The following TRERF1 variants were observed in gnomAD, a reference collection of about 807,000 sequenced individuals.
The protein encoded by TRERF1 is transcriptional-regulating factor 1.
In TRERF1, 27 loss-of-function variants were observed where a neutral mutation model predicts 122.9. The observed-to-expected ratio is 0.22, with a 90% CI of 0.16 to 0.30. The LOEUF (loss-of-function observed/expected upper bound fraction) is 0.30. Among genes scored for constraint, TRERF1 ranks in the 10% least tolerant of loss-of-function variants. The pLI is 1.00. For synonymous variants in TRERF1, 636 were observed against 641.7 expected, an observed-to-expected ratio of 0.99 and a Z score of 0.13; for missense variants, 1,248 against 1,560.3, an observed-to-expected ratio of 0.80 and a Z score of 3.37.
chr6:42,269,355 G>T lies in TRERF1; in HGVS notation c.236C>A (p.Thr79Asn). Reference sequence around the variant, plus strand: ...ACTTCCCCACCCTCCCTGCCTCGAGGTATCCATTTGGCCAAGGTTTTTGGA... The same window carrying T: ...ACTTCCCCACCCTCCCTGCCTCGAGTTATCCATTTGGCCAAGGTTTTTGGA... The change falls in exon 5 of 18, where the codon ACC becomes AAC. Residue 79 changes from threonine (T) to asparagine (N), a missense_variant. Physicochemically the swap from Thr to Asn is moderately conservative, Grantham distance 65. Coordinates refer to ENST00000372922, the Ensembl canonical transcript of TRERF1. The surrounding 1 kb of genome is among the most constrained non-coding windows in gnomAD (Gnocchi z 4.9). The T allele has an allele frequency of 1.9e-6, 3 of 1,614,176 alleles. No homozygotes were observed. Among genetic ancestry groups the T allele is most frequent in the Non-Finnish European group, 1.7e-6 (2 of 1,180,032 alleles).
intron 15 of TRERF1, among the ~76,000 whole-genome samples, chr6:42,242,089 T>A (rs1773859364): frequency 6.6e-6 from 1 of 152,166 alleles, no homozygotes; most frequent in African/African-American, 2.4e-5. Flanking sequence ...AGTGAGACCC[T>A]GTCTCAAACA....
intron 15 of TRERF1, 128 bp from the exon 16 acceptor site, chr6:42,236,539 T>A: frequency 7.3e-7 from 1 of 1,369,398 alleles, no homozygotes; most frequent in Non-Finnish European, 9.7e-7. Context: ...TCTTTCTGCA[T>A]AAGGAATGGT....
At chr6:42,373,729 G>T (rs1774225108) in intron 2 of TRERF1, among the ~76,000 whole-genome samples, 5 of 151,948 alleles carry the variant, frequency 3.3e-5, no homozygotes, top group Admixed American at 2.0e-4. Flanking sequence ...TACTCAGGGG[G>T]CTGAGTCAGG....
intron 4 of TRERF1, among the ~76,000 whole-genome samples, chr6:42,288,967 G>C (rs895253507): frequency 2.0e-5 from 3 of 151,176 alleles, no homozygotes; most frequent in Non-Finnish European, 3.0e-5. Flanking sequence ...GTGTGTGTGT[G>C]TGTGTGTGTG....
chr6:42,283,893 G>A (rs34681368), intron 4 of TRERF1, among the ~76,000 whole-genome samples: 4,154 of 152,174 alleles, frequency 0.027, 57 homozygotes, highest in Non-Finnish European at 0.037. Flanking sequence ...TGGGATTACA[G>A]GTGTGAGCCA....
intron 4 of TRERF1, among the ~76,000 whole-genome samples, chr6:42,281,979 G>A (rs1027596130): frequency 1.3e-5 from 2 of 152,188 alleles, no homozygotes; most frequent in Non-Finnish European, 2.9e-5. Context: ...AGGAACATCT[G>A]TGAGAATTTC....
chr6:42,373,098 A>G (rs1042966404), intron 2 of TRERF1, among the ~76,000 whole-genome samples: 4 of 152,232 alleles, frequency 2.6e-5, no homozygotes, highest in African/African-American at 9.6e-5. Context: ...TGCTGTCAAT[A>G]AATATAATTT....
chr6:42,299,116 C>CTGTCTGTA (rs10627056), intron 4 of TRERF1, among the ~76,000 whole-genome samples: 9 of 141,676 alleles, frequency 6.4e-5, no homozygotes, highest in African/African-American at 2.4e-4. Flanking sequence ...GTCTGTCTGT[C>CTGTCTGTA]TCTATCTATC....
Position 42,434,668 on chromosome 6 carries a change from CCACACACACA to C in TRERF1, c.-454+16499_-454+16508del, listed in dbSNP as rs3075920. ...CTGGAACACCAGCAGACACCCTCCA[CCACACACACA>C]CACACACACACACACACACACACAC... is the stretch of plus-strand genomic sequence containing the variant. On this transcript the variant is annotated intron_variant, in intron 2 of 17. Coordinates refer to ENST00000372922, the Ensembl canonical transcript of TRERF1. Among the ~76,000 whole-genome samples, 319 of 115,012 alleles carry C rather than the reference CCACACACACA, an allele frequency of 2.8e-3. 6 individuals are homozygous for C. The highest frequency in any genetic ancestry group is 0.02 in the East Asian group (84 of 4,104). 75.5% of individuals were successfully genotyped at this position (115,012 alleles called of 152,430 possible).
intron 4 of TRERF1, among the ~76,000 whole-genome samples, chr6:42,287,255 C>T (rs1303946984): frequency 6.8e-6 from 1 of 147,964 alleles, no homozygotes; most frequent in Non-Finnish European, 1.5e-5. Context: ...AACTAACCTG[C>T]ACAATGTGCA....
intron 2 of TRERF1, among the ~76,000 whole-genome samples, chr6:42,431,595 GAGGA>G (rs1247568955): frequency 6.6e-6 from 1 of 152,182 alleles, no homozygotes; most frequent in Non-Finnish European, 1.5e-5. Context: ...AGTAGAACTG[GAGGA>G]AGGGAGGGAA....
At chr6:42,273,877 C>G (rs117722709) in intron 4 of TRERF1, among the ~76,000 whole-genome samples, 11 of 152,344 alleles carry the variant, frequency 7.2e-5, no homozygotes, top group Admixed American at 2.6e-4. Flanking sequence ...GATTTCATGT[C>G]TCTCTCCTAT....
rs1405105658 is a variant in TRERF1 at position 42,264,937 on chromosome 6, C to T, written c.1485-83G>A. On this transcript the variant is annotated intron_variant, in intron 6 of 17. Coordinates refer to ENST00000372922, the Ensembl canonical transcript of TRERF1. ...GACTTGCCACAAGACCTCATACCCACCACAAACCCATTTCATTCATCCAAT... is the reference window on the plus strand; with the variant it reads ...GACTTGCCACAAGACCTCATACCCATCACAAACCCATTTCATTCATCCAAT... 8.3e-6 allele frequency: 12 copies of T among 1,444,118 alleles called. No individual in the cohort carries two copies. The African/African-American group carries it at 1.5e-4, about 19-fold the overall frequency. 89.5% of individuals were successfully genotyped at this position (1,444,118 alleles called of 1,614,324 possible).
intron 2 of TRERF1, among the ~76,000 whole-genome samples, chr6:42,399,539 A>G (rs1779097734): frequency 6.6e-6 from 1 of 152,128 alleles, no homozygotes; most frequent in Non-Finnish European, 1.5e-5. Context: ...CAGACCTTGG[A>G]GCGGCTGCAG....
In TRERF1 at chr6:42,329,999, A is replaced by G. The variant is rs545546724; in HGVS notation, c.-370-29250T>C. Among the ~76,000 whole-genome samples, 3 of 152,324 alleles carry G rather than the reference A, an allele frequency of 2.0e-5. No individual in the cohort carries two copies. The East Asian group carries it at 5.8e-4, about 29-fold the overall frequency. ...GCAAGACTCTGTCTTGGGGGAAAAA[A>G]AAAGTATTGATTCTATGTATGAACA... On this transcript the variant is annotated intron_variant, in intron 3 of 17. Transcript: ENST00000372922.
intron 17 of TRERF1, among the ~76,000 whole-genome samples, chr6:42,229,125 TTTGTTGTTG>T (rs372117238): frequency 2.6e-5 from 4 of 152,024 alleles, no homozygotes; most frequent in East Asian, 1.9e-4. Context: ...AGTTGTTGGT[TTTGTTGTTG>T]TTGTTGTTGT....
intron 2 of TRERF1, among the ~76,000 whole-genome samples, chr6:42,409,955 T>C (rs1466234984): frequency 6.6e-6 from 1 of 152,236 alleles, no homozygotes; most frequent in Non-Finnish European, 1.5e-5. Context: ...TATGTAATTA[T>C]TTCCAGTATT....
At position 42,275,681 on chromosome 6, in the gene TRERF1, T is replaced by C. The variant is rs1781027845; in HGVS notation, c.-258-5833A>G. On this transcript the variant is annotated intron_variant, in intron 4 of 17. Coordinates refer to ENST00000372922, the Ensembl canonical transcript of TRERF1. This position sits in a 1 kb window ranked among gnomAD's most constrained non-coding sequence, Gnocchi z 4.1. ...CTCTGCAGGTCCCATGCCTCTGACATGGACTAAGGGACAGAATTTACTAGT... is the reference window on the plus strand; with the variant it reads ...CTCTGCAGGTCCCATGCCTCTGACACGGACTAAGGGACAGAATTTACTAGT... Among the ~76,000 whole-genome samples the C allele has an allele frequency of 2.6e-5, 4 of 152,176 alleles. No homozygotes were observed. Among genetic ancestry groups the C allele is most frequent in the African/African-American group, 9.7e-5 (4 of 41,446 alleles).
chr6:42,425,269 G>C (rs969828615), intron 2 of TRERF1, among the ~76,000 whole-genome samples: 6 of 152,114 alleles, frequency 3.9e-5, no homozygotes, highest in Non-Finnish European at 8.8e-5. Context: ...TGACTAATAA[G>C]AGCTACCATT....
Sources: allele counts gnomAD v4.1 joint callset (sites outside exome capture counted in the v4.1 genomes callset), GRCh38; gene constraint gnomAD v4.1.1; non-coding constraint Gnocchi (gnomAD v3.1); transcripts MANE v1.5; gene names NCBI Gene and HGNC (gene_info 2026-07-23, HGNC 2026-07-21).